Variants in AGBL4 observed in about 807,000 individuals in gnomAD.
The protein encoded by AGBL4 is cytosolic carboxypeptidase 6.
Under a neutral mutation model 66.4 loss-of-function variants are expected in AGBL4, and 58 were observed. That is an observed-to-expected ratio of 0.87 (90% CI 0.71 to 1.09). AGBL4 has a LOEUF of 1.09. Ranked by LOEUF, AGBL4 falls within the 50% of genes least tolerant of loss-of-function variation. The pLI is 0.00. For missense variants in AGBL4, 579 were observed against 631.0 expected (o/e 0.92, Z 0.88); for synonymous variants, 234 against 222.9 (o/e 1.05, Z -0.44).
chr1:48,734,331 A>C (rs1648664237), intron 6 of AGBL4, among the ~76,000 whole-genome samples: 1 of 152,072 alleles, frequency 6.6e-6, no homozygotes, highest in African/African-American at 2.4e-5. Context: ...ATGTCCTGCC[A>C]CCTTGAACTC....
chr1:49,578,883 T>A (rs538845002), intron 3 of AGBL4, among the ~76,000 whole-genome samples: 1 of 152,198 alleles, frequency 6.6e-6, no homozygotes, highest in Non-Finnish European at 1.5e-5. Flanking sequence ...ATACAGAGTA[T>A]TGATACTGGG....
intron 5 of AGBL4, among the ~76,000 whole-genome samples, chr1:48,912,120 G>C (rs142522463): frequency 1.3e-5 from 2 of 152,224 alleles, no homozygotes; most frequent in East Asian, 3.9e-4. Flanking sequence ...AAAATATAGG[G>C]AACAATCATA....
Position 49,221,356 on chromosome 1 carries a change from C to T in AGBL4, c.377+24414G>A, listed in dbSNP as rs549576172. On this transcript the variant is annotated intron_variant, in intron 4 of 13. Coordinates refer to ENST00000371839, the MANE Select transcript of AGBL4 (RefSeq NM_032785.4). Reference sequence around the variant, plus strand: ...TCAATGCCTTCAGAGGCACTGAAGTCCTCACTGACAGCTTCTGATTGCTGG... The same window carrying T: ...TCAATGCCTTCAGAGGCACTGAAGTTCTCACTGACAGCTTCTGATTGCTGG... 3.3e-5 allele frequency among the ~76,000 whole-genome samples: 5 copies of T among 152,192 alleles called. No individual in the cohort carries two copies. The East Asian group carries it at 9.7e-4, about 29-fold the overall frequency.
intron 3 of AGBL4, among the ~76,000 whole-genome samples, chr1:49,645,804 C>T (rs972447879): frequency 2.0e-5 from 3 of 148,892 alleles, no homozygotes; most frequent in Non-Finnish European, 3.0e-5. Context: ...AAATCAAATC[C>T]AATAATATAT....
At chr1:48,909,425 T>TAG (rs1189194916) in intron 5 of AGBL4, among the ~76,000 whole-genome samples, 1 of 152,140 alleles carries the variant, frequency 6.6e-6, no homozygotes. Context: ...ATGTTCAGAT[T>TAG]AGAGAGAGAG....
intron 5 of AGBL4, among the ~76,000 whole-genome samples, chr1:48,892,207 C>T (rs1035030711): frequency 1.3e-5 from 2 of 152,158 alleles, no homozygotes; most frequent in African/African-American, 4.8e-5. Flanking sequence ...ATCTCTGCTT[C>T]TGTTGTCACA....
At chr1:48,862,351 T>G (rs1369424276) in intron 6 of AGBL4, among the ~76,000 whole-genome samples, 1 of 152,232 alleles carries the variant, frequency 6.6e-6, no homozygotes, top group Non-Finnish European at 1.5e-5. Context: ...TTTATATTTT[T>G]TTGACAGGAC....
chr1:49,950,073 TAC>T (rs1288399362), intron 1 of AGBL4, among the ~76,000 whole-genome samples: 40 of 141,734 alleles, frequency 2.8e-4, no homozygotes, highest in South Asian at 4.4e-4. Flanking sequence ...CACATATATA[TAC>T]ACATATGTGT....
intron 6 of AGBL4, among the ~76,000 whole-genome samples, chr1:48,716,654 T>C (rs1647055935): frequency 6.6e-6 from 1 of 152,164 alleles, no homozygotes; most frequent in East Asian, 1.9e-4. Flanking sequence ...CAATTTTATG[T>C]GTCCACAAGG....
chr1:49,572,705 A>T (rs770636268), intron 3 of AGBL4, among the ~76,000 whole-genome samples: 5 of 152,108 alleles, frequency 3.3e-5, no homozygotes, highest in Non-Finnish European at 7.3e-5. Flanking sequence ...TAGCCCCCTT[A>T]TCATTTCTTA....
chr1:49,108,202 G>C (rs1389733725), intron 4 of AGBL4, among the ~76,000 whole-genome samples: 1 of 152,068 alleles, frequency 6.6e-6, no homozygotes, highest in Admixed American at 6.6e-5. Flanking sequence ...TATTCATCCT[G>C]TTGTTACCTA....
intron 3 of AGBL4, among the ~76,000 whole-genome samples, chr1:49,436,627 GA>G (rs1345334654): frequency 6.6e-6 from 1 of 151,902 alleles, no homozygotes; most frequent in Admixed American, 6.6e-5. Context: ...AAAGGGAAGA[GA>G]AAAAAAGTGT....
intron 3 of AGBL4, among the ~76,000 whole-genome samples, chr1:49,319,980 GTACAGTGGTACCATT>G (rs1480813190): frequency 4.6e-5 from 7 of 152,014 alleles, no homozygotes; most frequent in African/African-American, 1.7e-4. Flanking sequence ...CCAGGCTAGA[GTACAGTGGTACCATT>G]ACAGACGGTT....
chr1:49,551,696 T>A (rs1371704182), intron 3 of AGBL4, among the ~76,000 whole-genome samples: 2 of 152,052 alleles, frequency 1.3e-5, no homozygotes, highest in Non-Finnish European at 2.9e-5. Context: ...CCAGTGGAGG[T>A]GATAGCGGGG....
At chr1:49,322,329 A>G (rs1038464437) in intron 3 of AGBL4, among the ~76,000 whole-genome samples, 4 of 152,242 alleles carry the variant, frequency 2.6e-5, no homozygotes, top group Non-Finnish European at 4.4e-5. Context: ...TCAATGATAC[A>G]TGAAAATGGA....
rs552004385 is a variant in AGBL4, at chr1:49,118,079, T to A, written c.378-72279A>T. On this transcript the variant is annotated intron_variant, in intron 4 of 13. Transcript: ENST00000371839. Reference sequence around the variant, plus strand: ...GCACATGGATTTTGTATCATGAGACTTTGCTGAAGTTGCTTATCAGCTTAA... The same window carrying A: ...GCACATGGATTTTGTATCATGAGACATTGCTGAAGTTGCTTATCAGCTTAA... 1.2e-3 allele frequency among the ~76,000 whole-genome samples: 183 copies of A among 152,334 alleles called. 1 individual carries two copies. Among genetic ancestry groups the A allele is most frequent in the Non-Finnish European group, 2.4e-3 (161 of 68,034 alleles).
At chr1:49,598,160 T>A (rs1057121962) in intron 3 of AGBL4, among the ~76,000 whole-genome samples, 1 of 152,180 alleles carries the variant, frequency 6.6e-6, no homozygotes, top group African/African-American at 2.4e-5. Context: ...TTGTCATAAA[T>A]AGCTCTTATT....
intron 1 of AGBL4, among the ~76,000 whole-genome samples, chr1:49,997,254 ACAGAATGG>A (rs1660437757): frequency 6.6e-6 from 1 of 152,210 alleles, no homozygotes; most frequent in South Asian, 2.1e-4. Flanking sequence ...CTTAAAAGAT[ACAGAATGG>A]CAGAATGGGT....
chr1:48,885,247 A>G (rs1227748067), intron 5 of AGBL4, among the ~76,000 whole-genome samples: 1 of 152,366 alleles, frequency 6.6e-6, no homozygotes. Flanking sequence ...TTCCAACTGC[A>G]ATGTCCATAA....
Sources: allele counts gnomAD v4.1 joint callset (sites outside exome capture counted in the v4.1 genomes callset), GRCh38; gene constraint gnomAD v4.1.1; transcripts MANE v1.5; gene names NCBI Gene and HGNC (gene_info 2026-07-23, HGNC 2026-07-21).